Variants in PKHD1 observed in about 807,000 individuals in gnomAD.
PKHD1 encodes the protein PKHD1 ciliary IPT domain containing fibrocystin/polyductin.
A neutral mutation model predicts 412.0 loss-of-function variants in PKHD1; 291 were observed. The ratio of observed to expected loss-of-function variants is 0.71; its 90% CI spans 0.64 to 0.78. The LOEUF is 0.78. Ranked by LOEUF, PKHD1 falls within the 30% of genes least tolerant of loss-of-function variation. PKHD1 has a pLI of 0.00. For synonymous variants in PKHD1, 1,777 were observed against 1,821.5 expected, an observed-to-expected ratio of 0.98 and a Z score of 0.62; for missense variants, 4,825 against 4,950.7, an observed-to-expected ratio of 0.97 and a Z score of 0.76.
chr6:51,760,456 G>A (rs1045523887), intron 55 of PKHD1, among the ~76,000 whole-genome samples: 5 of 152,008 alleles, frequency 3.3e-5, no homozygotes, highest in East Asian at 3.9e-4. Flanking sequence ...CACATCTTAC[G>A]TTCAGATGAT....
At chr6:52,049,808 G>A (rs1223217957) in intron 22 of PKHD1, among the ~76,000 whole-genome samples, 3 of 152,164 alleles carry the variant, frequency 2.0e-5, no homozygotes, top group Non-Finnish European at 4.4e-5. Context: ...AAACAGTGGT[G>A]ATGTGAACCT....
chr6:51,878,986 C>T lies in PKHD1; in HGVS notation c.7350+4107G>A, dbSNP rs1196495310. On this transcript the variant is annotated intron_variant, in intron 46 of 66. Transcript: ENST00000371117. ...ACACCAAAAACAGACAAACAGAGAG[C>T]CAACTCATGAGTGAACTCCCATTCA... Among the ~76,000 whole-genome samples, 13 of 90,652 alleles carry T rather than the reference C, an allele frequency of 1.4e-4. 4 individuals are homozygous for T. The highest frequency in any genetic ancestry group is 6.8e-4 in the African/African-American group (13 of 19,034). 59.5% of individuals were successfully genotyped at this position (90,652 alleles called of 152,430 possible). A position where few individuals can be genotyped will look rare whatever the true frequency, so the allele number is the denominator to read the frequency against.
intron 36 of PKHD1, among the ~76,000 whole-genome samples, chr6:51,938,901 G>A (rs1268482979): frequency 6.6e-6 from 1 of 151,270 alleles, no homozygotes; most frequent in African/African-American, 2.4e-5. Context: ...TTCAATCTTG[G>A]TGCCACACTT....
chr6:52,013,584 C>CAT (rs951232643), intron 34 of PKHD1, among the ~76,000 whole-genome samples: 6 of 151,898 alleles, frequency 4.0e-5, no homozygotes, highest in African/African-American at 7.2e-5. Flanking sequence ...TAAATATAAG[C>CAT]ATATATATAT....
chr6:51,780,341 G>A (rs1455945671), intron 53 of PKHD1, among the ~76,000 whole-genome samples: 4 of 150,962 alleles, frequency 2.6e-5, no homozygotes, highest in Non-Finnish European at 4.4e-5. Context: ...AGCCGAGATC[G>A]CACCACACTG....
intron 11 of PKHD1, 78 bp downstream of exon 11, chr6:52,069,379 T>C: frequency 9.7e-7 from 1 of 1,029,710 alleles, no homozygotes; most frequent in Non-Finnish European, 1.5e-6. Context: ...CATCAAGAAA[T>C]GGCCAAAAGA....
intron 36 of PKHD1, 108 bp from the exon 37 acceptor site, chr6:51,934,430 G>T: frequency 1.3e-6 from 1 of 757,456 alleles, no homozygotes; most frequent in Non-Finnish European, 2.4e-6. Flanking sequence ...CTGCTGGAAT[G>T]TAGACTTATT....
intron 60 of PKHD1, among the ~76,000 whole-genome samples, chr6:51,678,467 C>T (rs1241741294): frequency 6.6e-6 from 1 of 152,074 alleles, no homozygotes; most frequent in Non-Finnish European, 1.5e-5. Context: ...GTCTAGTATT[C>T]TGGAACAGCA....
At chr6:52,028,070 G>C (rs1380858793) in intron 30 of PKHD1, 86 bp downstream of exon 30, 1 of 1,403,132 alleles carries the variant, frequency 7.1e-7, no homozygotes, top group East Asian at 2.3e-5. Context: ...AAGGGAAAAA[G>C]AAAATACCTA....
chr6:51,662,349 C>T (rs1772997698), intron 60 of PKHD1, among the ~76,000 whole-genome samples: 1 of 151,778 alleles, frequency 6.6e-6, no homozygotes, highest in South Asian at 2.1e-4. Context: ...CACACACACG[C>T]ACACACACAT....
chr6:51,736,607 G>A (rs1783882152), intron 60 of PKHD1, among the ~76,000 whole-genome samples: 2 of 152,288 alleles, frequency 1.3e-5, no homozygotes, highest in Admixed American at 6.5e-5. Flanking sequence ...AAATTAAAGA[G>A]CTATATACCA....
At chr6:51,823,915 G>A (rs1766891218) in intron 52 of PKHD1, among the ~76,000 whole-genome samples, 1 of 152,030 alleles carries the variant, frequency 6.6e-6, no homozygotes, top group East Asian at 1.9e-4. Context: ...AAAGTGTTTT[G>A]TCTCAAAATT....
At chr6:51,692,774 A>G (rs1288072763) in intron 60 of PKHD1, among the ~76,000 whole-genome samples, 2 of 152,082 alleles carry the variant, frequency 1.3e-5, no homozygotes, top group Non-Finnish European at 2.9e-5. Context: ...GTTTTATATT[A>G]GTATTTATTG....
intron 60 of PKHD1, chr6:51,682,302 T>A (rs1258475535): frequency 4.5e-6 from 2 of 444,918 alleles, no homozygotes; most frequent in African/African-American, 4.1e-5. Context: ...TTTCTTTACA[T>A]AATTTATCAT....
intron 1 of PKHD1, among the ~76,000 whole-genome samples, chr6:52,085,575 C>A (rs879373479): frequency 7.9e-5 from 12 of 152,330 alleles, no homozygotes; most frequent in Admixed American, 2.6e-4. Context: ...TCAGCTGATT[C>A]TTTCCTCCGC....
At chr6:51,986,984 C>T (rs910230383) in intron 35 of PKHD1, among the ~76,000 whole-genome samples, 2 of 152,198 alleles carry the variant, frequency 1.3e-5, no homozygotes, top group African/African-American at 4.8e-5. Context: ...AGGTAGAGCA[C>T]ATAAATAGCA....
chr6:52,065,066 G>C lies in PKHD1; in HGVS notation c.881-16C>G. On this transcript the variant is annotated splice_polypyrimidine_tract_variant and intron_variant, in intron 12 of 66. Coordinates refer to ENST00000371117, the MANE Select transcript of PKHD1 (RefSeq NM_138694.4). ...CATGGAATGCCTAAAGCGAATTAAA[G>C]AAATTTATGTATGTGTGTGTGTGTA... 7.1e-7 allele frequency: 1 copy of C among 1,403,574 alleles called. No individual in the cohort carries two copies. Among genetic ancestry groups the C allele is most frequent in the East Asian group, 2.7e-5 (1 of 36,804 alleles). 86.9% of individuals were successfully genotyped at this position (1,403,574 alleles called of 1,614,324 possible).
chr6:51,846,712 AGG>A (rs1771226739), intron 50 of PKHD1, among the ~76,000 whole-genome samples: 1 of 152,304 alleles, frequency 6.6e-6, no homozygotes, highest in African/African-American at 2.4e-5. Context: ...CAGTCACAGT[AGG>A]GTTCCTGATT....
rs141074474 is a variant in PKHD1, at chr6:51,617,017, C to G, written c.*2064G>C. Reference sequence around the variant, plus strand: ...AACTTCATAGTAACTATAGGATAACCTACTGGATATTCTCACTAGGCAGCT... The same window carrying G: ...AACTTCATAGTAACTATAGGATAACGTACTGGATATTCTCACTAGGCAGCT... On this transcript the variant is annotated 3_prime_UTR_variant, in exon 67 of 67. Transcript: ENST00000371117. 1 of 244,656 alleles carries G rather than the reference C, an allele frequency of 4.1e-6. No individual in the cohort carries two copies. The highest frequency in any genetic ancestry group is 7.8e-6 in the Non-Finnish European group (1 of 128,718). 15.2% of individuals were successfully genotyped at this position (244,656 alleles called of 1,614,324 possible). A position where few individuals can be genotyped will look rare whatever the true frequency, so the allele number is the denominator to read the frequency against.
Sources: gnomAD v4.1 joint callset for allele counts (sites outside exome capture counted in the v4.1 genomes callset) on GRCh38, gnomAD v4.1.1 for gene constraint, MANE v1.5 for transcripts, NCBI Gene and HGNC (gene_info 2026-07-23, HGNC 2026-07-21) for gene names.